Variants in RBM17 observed in about 807,000 individuals in gnomAD.
RBM17 encodes RNA binding motif protein 17, also known as splicing factor 45.
A neutral mutation model predicts 53.2 loss-of-function variants in RBM17; 7 were observed. The ratio of observed to expected loss-of-function variants is 0.13; its 90% CI spans 0.07 to 0.25. The LOEUF (loss-of-function observed/expected upper bound fraction) is 0.25, where lower values mean the gene tolerates loss of function less well. Ranked by LOEUF, RBM17 falls within the 10% of genes least tolerant of loss-of-function variation. RBM17 has a pLI of 1.00. For missense variants in RBM17, 257 were observed against 496.7 expected, an observed-to-expected ratio of 0.52 and a Z score of 4.59; for synonymous variants, 167 against 178.1, an observed-to-expected ratio of 0.94 and a Z score of 0.50.
intron 1 of RBM17, 144 bp from the exon 2 acceptor site, chr10:6,096,904 T>C: frequency 3.3e-6 from 2 of 605,414 alleles, no homozygotes; most frequent in South Asian, 4.2e-5. Flanking sequence ...GGAATAGCCC[T>C]ACATTAATGG....
intron 8 of RBM17, chr10:6,113,180 T>C (rs1172426550): frequency 4.3e-6 from 1 of 231,396 alleles, no homozygotes; most frequent in African/African-American, 2.3e-5. Flanking sequence ...CTTGAACGTT[T>C]GCTCCAAGTC....
rs1221504658 is a variant in RBM17 at position 6,098,556 on chromosome 10, G to GTTTTTTTTTTTTTTTTTT, written c.123+1374_123+1375insTTTTTTTTTTTTTTTTTT. On this transcript the variant is annotated intron_variant, in intron 2 of 11. Coordinates refer to ENST00000379888, the MANE Select transcript of RBM17 (RefSeq NM_032905.5). ...GTTTGAAAATTTCCGTAATACACAG[G>GTTTTTTTTTTTTTTTTTT]TTTTTTGTTTTTTTTTTTTTTTTTT... is the stretch of plus-strand genomic sequence containing the variant. Among the ~76,000 whole-genome samples, 14 of 87,980 alleles carry GTTTTTTTTTTTTTTTTTT rather than the reference G, an allele frequency of 1.6e-4. 2 individuals carry two copies. The highest frequency in any genetic ancestry group is 4.3e-4 in the South Asian group (1 of 2,304). 57.7% of individuals were successfully genotyped at this position (87,980 alleles called of 152,430 possible). A position where few individuals can be genotyped will look rare whatever the true frequency, so the allele number is the denominator to read the frequency against.
At chr10:6,090,692 T>A (rs1302365697) in intron 1 of RBM17, among the ~76,000 whole-genome samples, 1 of 152,132 alleles carries the variant, frequency 6.6e-6, no homozygotes, top group Non-Finnish European at 1.5e-5. Context: ...CTCTCAAACC[T>A]TTCATAATAG....
chr10:6,100,796 C>A (rs1259760693), intron 2 of RBM17, among the ~76,000 whole-genome samples: 1 of 152,060 alleles, frequency 6.6e-6, no homozygotes, highest in East Asian at 1.9e-4. Context: ...GGAGAATGTC[C>A]ACGGTTTCAG....
intron 3 of RBM17, 38 bp from the exon 4 acceptor site, chr10:6,104,893 A>G (rs778314133): frequency 5.1e-6 from 8 of 1,583,244 alleles, no homozygotes; most frequent in South Asian, 1.1e-5. Flanking sequence ...CTGGTAAGAT[A>G]TAAAGAGGAT....
intron 4 of RBM17, 77 bp from the exon 5 acceptor site, chr10:6,106,064 C>T (rs920410100): frequency 1.0e-6 from 1 of 976,336 alleles, no homozygotes; most frequent in African/African-American, 1.6e-5. Context: ...ATCTTCTGGT[C>T]AAGAGGAAGT....
At chr10:6,093,515 G>A (rs1444347345) in intron 1 of RBM17, among the ~76,000 whole-genome samples, 8 of 152,114 alleles carry the variant, frequency 5.3e-5, no homozygotes, top group South Asian at 4.1e-4. Context: ...CACCGCAGCC[G>A]GCCCATTATT....
rs151141722 is a variant in RBM17 at position 6,097,294 on chromosome 10, A to G, written c.123+106A>G. On this transcript the variant is annotated intron_variant, in intron 2 of 11. Transcript: ENST00000379888. ...TTGCTCTTCTGCCTTTGTATTGGGT[A>G]AATGGTGTTAAGCATTTGTAGGGGG... 11 of 1,158,234 alleles carry G rather than the reference A, an allele frequency of 9.5e-6. No homozygotes were observed. In the East Asian group the frequency reaches 2.4e-4, roughly 25 times the overall value. The allele number at this position is 1,158,234 out of a possible 1,614,324, so 71.7% of individuals were successfully genotyped here.
intron 2 of RBM17, among the ~76,000 whole-genome samples, chr10:6,098,844 G>A (rs1395045853): frequency 2.0e-5 from 3 of 151,892 alleles, no homozygotes; most frequent in South Asian, 2.1e-4. Flanking sequence ...CACCGTGTCC[G>A]GCCAATACAC....
chr10:6,106,089 G>A (rs1456908466), intron 4 of RBM17, 52 bp from the exon 5 acceptor site: 2 of 1,269,922 alleles, frequency 1.6e-6, no homozygotes, highest in South Asian at 1.2e-5. Flanking sequence ...CCAGGTTCAG[G>A]TCTCTAAATT....
Position 6,105,046 on chromosome 10 carries a change from G to T in RBM17, c.356G>T (p.Arg119Leu). The part of the protein sequence containing the change: ...EKVVKRQREE[R>L]QRQRELERQK... ...GTAGTGAAGCGCCAAAGAGAGGAAC[G>T]ACAGAGACAGCGGGAGCTGGAAAGA... Residue 119 changes from arginine (R) to leucine (L), a missense_variant, in exon 4 of 12, where the codon CGA (arginine) becomes CTA (leucine). Coordinates refer to ENST00000379888, the MANE Select transcript of RBM17 (RefSeq NM_032905.5). 1 of 1,614,024 alleles carries T rather than the reference G, an allele frequency of 6.2e-7. No homozygotes were observed. The highest frequency in any genetic ancestry group is 8.5e-7 in the Non-Finnish European group (1 of 1,179,900).
At chr10:6,113,633 A>G in intron 9 of RBM17, 52 bp downstream of exon 9, 1 of 1,122,268 alleles carries the variant, frequency 8.9e-7, no homozygotes, top group Non-Finnish European at 1.4e-6. Context: ...TGTGTGTGTC[A>G]CCCCAGCCTA....
intron 1 of RBM17, 147 bp from the exon 2 acceptor site, chr10:6,096,901 C>A: frequency 3.4e-6 from 2 of 585,958 alleles, no homozygotes; most frequent in Admixed American, 3.1e-5. Context: ...TCAGGAATAG[C>A]CCTACATTAA....
At chr10:6,092,704 C>T (rs1205290986) in intron 1 of RBM17, among the ~76,000 whole-genome samples, 1 of 152,190 alleles carries the variant, frequency 6.6e-6, no homozygotes, top group Non-Finnish European at 1.5e-5. Context: ...ACTTAAAATT[C>T]AGTGAAAATG....
chr10:6,113,406 T>A, intron 8 of RBM17, 102 bp from the exon 9 acceptor site: 1 of 807,222 alleles, frequency 1.2e-6, no homozygotes, highest in Admixed American at 2.1e-5. Flanking sequence ...GGGATCGCTA[T>A]TGAAATTAAA....
intron 5 of RBM17, among the ~76,000 whole-genome samples, chr10:6,107,245 C>T (rs988669165): frequency 1.6e-4 from 24 of 152,252 alleles, no homozygotes; most frequent in African/African-American, 5.5e-4. Flanking sequence ...GGTGCAATCT[C>T]GGCTCACCAC....
At chr10:6,102,016 T>A (rs1002743609) in intron 3 of RBM17, among the ~76,000 whole-genome samples, 9 of 151,950 alleles carry the variant, frequency 5.9e-5, no homozygotes, top group Non-Finnish European at 7.4e-5. Flanking sequence ...ATGAAGAAGA[T>A]CTGGAAAAGG....
At chr10:6,109,222 G>T (rs1179810586) in intron 6 of RBM17, among the ~76,000 whole-genome samples, 2 of 152,126 alleles carry the variant, frequency 1.3e-5, no homozygotes, top group Admixed American at 1.3e-4. Flanking sequence ...CCTTCTCGCA[G>T]TGATCTGCTC....
intron 3 of RBM17, 87 bp downstream of exon 3, chr10:6,101,474 C>A (rs899461202): frequency 1.5e-6 from 1 of 656,834 alleles, no homozygotes; most frequent in Non-Finnish European, 2.5e-6. Context: ...AACAGATGGC[C>A]TCCTTGGTGG....
Sources: allele counts gnomAD v4.1 joint callset (sites outside exome capture counted in the v4.1 genomes callset), GRCh38; gene constraint gnomAD v4.1.1; transcripts MANE v1.5; gene names NCBI Gene and HGNC (gene_info 2026-07-23, HGNC 2026-07-21).